Variants in NDEL1 observed in about 807,000 individuals in gnomAD.
NDEL1 encodes the protein nudE neurodevelopment protein 1 like 1.
A neutral mutation model predicts 45.7 loss-of-function variants in NDEL1; 9 were observed. That is an observed-to-expected ratio of 0.20 (90% CI 0.12 to 0.34). The LOEUF (loss-of-function observed/expected upper bound fraction) is 0.34. Among genes scored for constraint, NDEL1 ranks in the 10% least tolerant of loss-of-function variants. The probability of loss-of-function intolerance (pLI) is 1.00; values close to 1 mark genes in which losing one functional copy is unlikely to be tolerated. For synonymous variants in NDEL1, 133 were observed against 158.6 expected, an observed-to-expected ratio of 0.84 and a Z score of 1.21; for missense variants, 306 against 406.2, an observed-to-expected ratio of 0.75 and a Z score of 2.12.
At chr17:8,427,087 A>C (rs1212168643) in intron 1 of NDEL1, among the ~76,000 whole-genome samples, 3 of 152,320 alleles carry the variant, frequency 2.0e-5, no homozygotes, top group African/African-American at 7.2e-5. Context: ...CTTGGAACCT[A>C]AGACACTGCA....
rs1202733483 is a variant in NDEL1, at chr17:8,465,417, T to C, written c.945-1513T>C. ...GTGTGCAACAGGGAGAAATGACATT[T>C]GTCAGAGCCTTTCTCCTGGGGCTCT... On this transcript the variant is annotated intron_variant, in intron 8 of 8. Coordinates refer to ENST00000334527, the MANE Select transcript of NDEL1 (RefSeq NM_030808.5). This position sits in a 1 kb window ranked among gnomAD's most constrained non-coding sequence, Gnocchi z 4.9. 1.3e-5 allele frequency: 2 copies of C among 152,222 alleles called. No individual in the cohort carries two copies. The highest frequency in any genetic ancestry group is 2.9e-5 in the Non-Finnish European group (2 of 68,040). The allele number at this position is 152,222 out of a possible 1,614,324, so 9.4% of individuals were successfully genotyped here.
intron 1 of NDEL1, among the ~76,000 whole-genome samples, chr17:8,438,557 C>G (rs1909507896): frequency 6.6e-6 from 1 of 151,830 alleles, no homozygotes; most frequent in African/African-American, 2.4e-5. Flanking sequence ...ATTTTGTCAC[C>G]CAGGCTGGAG....
At chr17:8,460,264 C>A in intron 8 of NDEL1, 104 bp downstream of exon 8, 1 of 1,217,440 alleles carries the variant, frequency 8.2e-7, no homozygotes, top group Non-Finnish European at 1.1e-6. Context: ...CTTGACAAAC[C>A]TTCCCGAAGC....
At chr17:8,470,423 A>G (rs1166492110), downstream of NDEL1, among the ~76,000 whole-genome samples, 1 of 152,064 alleles carries the variant, frequency 6.6e-6, no homozygotes, top group East Asian at 1.9e-4. This position sits in a 1 kb window ranked among gnomAD's most constrained non-coding sequence, Gnocchi z 4.2. Context: ...TTGCTCCCAA[A>G]TATTGTCTTA....
intron 3 of NDEL1, chr17:8,474,307 T>C (rs960769524): frequency 4.6e-5 from 7 of 152,598 alleles, no homozygotes; most frequent in African/African-American, 9.6e-5. Flanking sequence ...CTATAATGAA[T>C]AAATTTATTG....
At position 8,435,894 on chromosome 17, in the gene NDEL1, G is replaced by C; in HGVS notation, c.-164G>C. 2.2e-6 allele frequency: 1 copy of C among 447,570 alleles called. No individual in the cohort carries two copies. Among genetic ancestry groups the C allele is most frequent in the South Asian group, 1.6e-5 (1 of 64,204 alleles). 27.7% of individuals were successfully genotyped at this position (447,570 alleles called of 1,614,324 possible). ...CTCGGACACCCAGGCAGTCCCTGAC[G>C]TGTCGGGGAGGAGCCGGGCGCGGAG... On this transcript the variant is annotated 5_prime_UTR_variant, in exon 1 of 9. Transcript: ENST00000334527.
chr17:8,468,816 C>G (rs1911758620), downstream of NDEL1, among the ~76,000 whole-genome samples: 1 of 152,204 alleles, frequency 6.6e-6, no homozygotes, highest in East Asian at 1.9e-4. Context: ...CCAGCCTGAC[C>G]AACATGGTGA....
chr17:8,455,018 G>A (rs1910739901), intron 7 of NDEL1, 131 bp downstream of exon 7: 2 of 855,654 alleles, frequency 2.3e-6, no homozygotes, highest in African/African-American at 3.4e-5. Flanking sequence ...AGAAGCAAAA[G>A]CATCCATTGA....
chr17:8,469,423 AAC>A (rs1364572260), downstream of NDEL1, among the ~76,000 whole-genome samples: 1 of 152,124 alleles, frequency 6.6e-6, no homozygotes, highest in African/African-American at 2.4e-5. Context: ...TTTGCATCTG[AAC>A]ACCCTGGGCT....
chr17:8,440,440 G>C (rs1231992506), intron 1 of NDEL1, among the ~76,000 whole-genome samples: 1 of 151,932 alleles, frequency 6.6e-6, no homozygotes, highest in Non-Finnish European at 1.5e-5. Flanking sequence ...CTTGAACCTG[G>C]GAGTCAGAGG....
At chr17:8,463,479 C>A in intron 8 of NDEL1, 1 of 787,044 alleles carries the variant, frequency 1.3e-6, no homozygotes, top group Non-Finnish European at 2.1e-6. Flanking sequence ...CAACTTACAG[C>A]CCATCAGTGA....
At chr17:8,451,852 A>G (rs1597544818) in intron 6 of NDEL1, among the ~76,000 whole-genome samples, 1 of 152,072 alleles carries the variant, frequency 6.6e-6, no homozygotes, top group Non-Finnish European at 1.5e-5. Flanking sequence ...TTAGAATGCT[A>G]TGTGGGCAAC....
rs377377665 is a variant in NDEL1, at chr17:8,419,862, T to G, written c.-13+6593T>G. 3.3e-4 allele frequency among the ~76,000 whole-genome samples: 50 copies of G among 152,222 alleles called. No individual in the cohort carries two copies. In the East Asian group the frequency reaches 8.3e-3, roughly 25 times the overall value. On this transcript the variant is annotated intron_variant, in intron 1 of 4. Transcript: ENST00000582812. ...CATTAGATACCTCCACAGCTTTGCA[T>G]CACAGTGAAACTGACGAGGGCCAGA...
intron 1 of NDEL1, among the ~76,000 whole-genome samples, chr17:8,417,443 A>G (rs545547333): frequency 2.0e-5 from 3 of 152,284 alleles, no homozygotes; most frequent in East Asian, 1.9e-4. Flanking sequence ...ATTTTGTTCT[A>G]TCTTTCACAT....
chr17:8,459,974 T>G (rs747033259), intron 7 of NDEL1, 35 bp from the exon 8 acceptor site: 1 of 1,588,214 alleles, frequency 6.3e-7, no homozygotes, highest in East Asian at 2.3e-5. Context: ...AGCTACTGTT[T>G]TGACAACCAT....
chr17:8,417,163 C>T (rs924314087), intron 1 of NDEL1, among the ~76,000 whole-genome samples: 1 of 152,022 alleles, frequency 6.6e-6, no homozygotes, highest in Admixed American at 6.6e-5. Context: ...GTCTCCCAGG[C>T]TGGAGTACAA....
chr17:8,431,022 C>T (rs1163821995), upstream of NDEL1, among the ~76,000 whole-genome samples: 1 of 152,190 alleles, frequency 6.6e-6, no homozygotes, highest in African/African-American at 2.4e-5. Context: ...ATAGTCCAGT[C>T]CTGACAAACA....
chr17:8,467,366 T>A lies in NDEL1; in HGVS notation c.*343T>A. On this transcript the variant is annotated 3_prime_UTR_variant, in exon 9 of 9. Coordinates refer to ENST00000334527, the MANE Select transcript of NDEL1 (RefSeq NM_030808.5). This position sits in a 1 kb window ranked among gnomAD's most constrained non-coding sequence, Gnocchi z 6.3. ...CATAGCCCCCACTCTGCTGTACTGA[T>A]AGGATTTAGTTGTGTTTTAGGACAT... 2.2e-6 allele frequency: 1 copy of A among 464,646 alleles called. No individual in the cohort carries two copies. Among genetic ancestry groups the A allele is most frequent in the Non-Finnish European group, 3.8e-6 (1 of 265,800 alleles). 28.8% of individuals were successfully genotyped at this position (464,646 alleles called of 1,614,324 possible). A position where few individuals can be genotyped will look rare whatever the true frequency, so the allele number is the denominator to read the frequency against.
intron 5 of NDEL1, 93 bp downstream of exon 5, chr17:8,448,779 A>G: frequency 8.0e-7 from 1 of 1,252,140 alleles, no homozygotes; most frequent in Non-Finnish European, 1.1e-6. Context: ...TTTTTCAACC[A>G]AATGTGGATT....
Sources: gnomAD v4.1 joint callset for allele counts (sites outside exome capture counted in the v4.1 genomes callset) on GRCh38, gnomAD v4.1.1 for gene constraint, Gnocchi (gnomAD v3.1) non-coding constraint, MANE v1.5 for transcripts, NCBI Gene and HGNC (gene_info 2026-07-23, HGNC 2026-07-21) for gene names.